Variants in DRAXIN observed in about 807,000 individuals in gnomAD.
The protein encoded by DRAXIN is dorsal repulsive axon guidance protein.
In DRAXIN, 27 loss-of-function variants were observed where a neutral mutation model predicts 33.9. The ratio of observed to expected loss-of-function variants is 0.80; its 90% CI spans 0.59 to 1.10. The LOEUF is 1.10. Among genes scored for constraint, DRAXIN ranks in the 50% least tolerant of loss-of-function variants. DRAXIN has a pLI of 0.00. For synonymous variants in DRAXIN, 178 were observed against 194.0 expected, an observed-to-expected ratio of 0.92 and a Z score of 0.69; for missense variants, 371 against 460.8, an observed-to-expected ratio of 0.81 and a Z score of 1.78.
chr1:11,698,830 G>A (rs1641230158), intron 1 of DRAXIN, among the ~76,000 whole-genome samples: 2 of 152,194 alleles, frequency 1.3e-5, no homozygotes, highest in Non-Finnish European at 2.9e-5. Flanking sequence ...ACTCCAGCCT[G>A]TAGGGCAGAG....
Position 11,705,958 on chromosome 1 carries a change from G to A in DRAXIN, c.-10-291G>A, listed in dbSNP as rs1476384025. Among the ~76,000 whole-genome samples the A allele has an allele frequency of 1.3e-5, 2 of 152,088 alleles. No homozygotes were observed. Among genetic ancestry groups the A allele is most frequent in the Non-Finnish European group, 2.9e-5 (2 of 68,016 alleles). ...GAATGCTGCTGAAATGATTTAAGCC[G>A]GGGGTTCTCAGCCTCGGTACTGTTG... On this transcript the variant is annotated intron_variant, in intron 1 of 6. Transcript: ENST00000294485. The surrounding 1 kb of genome is among the most constrained non-coding windows in gnomAD (Gnocchi z 4.8).
rs200680196 is a variant in DRAXIN at position 11,719,655 on chromosome 1, G to A, written c.1009G>A (p.Glu337Lys). Residue 337 changes from glutamate (E) to lysine (K), a missense_variant, in exon 7 of 7, where the codon GAG (glutamate) becomes AAG (lysine). Physicochemically the swap from Glu to Lys is moderately conservative, Grantham distance 56. Coordinates refer to ENST00000294485, the MANE Select transcript of DRAXIN (RefSeq NM_198545.4). The part of the protein sequence containing the change: ...TRRKGRCVEP[E>K]TANGDQGSFI... ...GAGGAAAGGGCGCTGTGTGGAGCCC[G>A]AGACGGCCAACGGCGACCAGGGATC... 11 of 1,614,012 alleles carry A rather than the reference G, an allele frequency of 6.8e-6. No homozygotes were observed. The East Asian group carries it at 1.8e-4, about 26-fold the overall frequency.
rs186017120 is a variant in DRAXIN at position 11,695,703 on chromosome 1, A to G, written c.-11+3850A>G. On this transcript the variant is annotated intron_variant, in intron 1 of 6. Transcript: ENST00000294485. ...ACCTAGAACAGTAGATGATACCCAA[A>G]CAAACACAGAGCTAAATGGTCTAGG... 5.6e-4 allele frequency among the ~76,000 whole-genome samples: 85 copies of G among 152,274 alleles called. 1 individual carries two copies. The highest frequency in any genetic ancestry group is 1.1e-3 in the Non-Finnish European group (76 of 68,032).
chr1:11,686,826 A>AC (rs1449012996), upstream of DRAXIN, among the ~76,000 whole-genome samples: 1 of 151,890 alleles, frequency 6.6e-6, no homozygotes, highest in African/African-American at 2.4e-5. Context: ...AAAAAAAAAA[A>AC]AAAAACTTCT....
chr1:11,706,561 T>C lies in DRAXIN; in HGVS notation c.303T>C (p.Ser101=). The change falls in exon 2 of 7, where the codon AGT becomes AGC. Residue 101 remains serine (S), a synonymous_variant. Coordinates refer to ENST00000294485, the MANE Select transcript of DRAXIN (RefSeq NM_198545.4). This position sits in a 1 kb window ranked among gnomAD's most constrained non-coding sequence, Gnocchi z 5.5. ...CTGAGGGGCTGCTGCCTGAGCAGAG[T>C]CCTGCAGGCCTGCTGCAGGACAAGG... ...PEAEGLLPEQ[S]PAGLLQDKDL... is the part of the protein sequence containing the mutation. 2 of 1,608,102 alleles carry C rather than the reference T, an allele frequency of 1.2e-6. No homozygotes were observed. Among genetic ancestry groups the C allele is most frequent in the Non-Finnish European group, 8.5e-7 (1 of 1,178,504 alleles).
chr1:11,702,427 A>C (rs1488265394), intron 1 of DRAXIN, among the ~76,000 whole-genome samples: 52 of 151,686 alleles, frequency 3.4e-4, no homozygotes, highest in Non-Finnish European at 1.9e-4. Flanking sequence ...GTTCACACAC[A>C]CATGCTAACA....
At chr1:11,707,184 G>C (rs940376489) in intron 2 of DRAXIN, among the ~76,000 whole-genome samples, 1 of 152,212 alleles carries the variant, frequency 6.6e-6, no homozygotes, top group African/African-American at 2.4e-5. Context: ...CTGGGTGACA[G>C]AGCGAGACTC....
Position 11,693,048 on chromosome 1 carries a change from T to C in DRAXIN, c.-11+1195T>C, listed in dbSNP as rs534078364. On this transcript the variant is annotated intron_variant, in intron 1 of 6. Transcript: ENST00000294485. ...GTCAAGGCTTAGAGACACTTCAGAG[T>C]AACCCCACCACCACAGCCTCTTCCC... Among the ~76,000 whole-genome samples the C allele has an allele frequency of 3.4e-4, 51 of 151,796 alleles. 3 individuals carry two copies. The South Asian group carries it at 0.01, about 31-fold the overall frequency.
At position 11,696,138 on chromosome 1, in the gene DRAXIN, C is replaced by A. The variant is rs1476144206; in HGVS notation, c.-11+4285C>A. Among the ~76,000 whole-genome samples the A allele has an allele frequency of 1.3e-5, 2 of 152,182 alleles. No individual in the cohort carries two copies. The highest frequency in any genetic ancestry group is 4.8e-5 in the African/African-American group (2 of 41,434). Reference sequence around the variant, plus strand: ...CAGAGGACGCAGCCACCTGCGCCTGCCCCTTTGCACACCCAGGCACAGATG... The same window carrying A: ...CAGAGGACGCAGCCACCTGCGCCTGACCCTTTGCACACCCAGGCACAGATG... On this transcript the variant is annotated intron_variant, in intron 1 of 6. Coordinates refer to ENST00000294485, the MANE Select transcript of DRAXIN (RefSeq NM_198545.4). This position sits in a 1 kb window ranked among gnomAD's most constrained non-coding sequence, Gnocchi z 4.7.
At chr1:11,718,141 T>TA (rs60384383) in intron 6 of DRAXIN, among the ~76,000 whole-genome samples, 21,122 of 116,088 alleles carry the variant, frequency 0.18, 1,924 homozygotes, top group Middle Eastern at 0.22. Flanking sequence ...CCATCTCTGC[T>TA]AAAAAAAAAA....
At chr1:11,711,702 T>C (rs1445734277) in intron 3 of DRAXIN, 149 bp from the exon 4 acceptor site, 1 of 669,654 alleles carries the variant, frequency 1.5e-6, no homozygotes, top group African/African-American at 1.8e-5. Flanking sequence ...GCAGCCATCT[T>C]TATGTCCTTG....
chr1:11,715,343 G>T (rs575223709), intron 6 of DRAXIN, 135 bp downstream of exon 6: 13 of 1,049,236 alleles, frequency 1.2e-5, no homozygotes, highest in African/African-American at 4.7e-5. Context: ...TGCGGCGGGG[G>T]TGTAGGTGGG....
intron 6 of DRAXIN, among the ~76,000 whole-genome samples, 169 bp from the exon 7 acceptor site, chr1:11,719,415 C>G (rs532297331): frequency 6.6e-6 from 1 of 152,218 alleles, no homozygotes; most frequent in Admixed American, 6.5e-5. Context: ...TTCCTCCCCT[C>G]TTCCGGGTTC....
At position 11,692,415 on chromosome 1, in the gene DRAXIN, A is replaced by C. The variant is rs1460423445; in HGVS notation, c.-11+562A>C. ...GCCGGGGTCGCTGAGTGCGCCCGGA[A>C]CCAGCACCGCCGGTGGCCCCGCGCC... On this transcript the variant is annotated intron_variant, in intron 1 of 6. Coordinates refer to ENST00000294485, the MANE Select transcript of DRAXIN (RefSeq NM_198545.4). The surrounding 1 kb of genome is among the most constrained non-coding windows in gnomAD (Gnocchi z 5.8). Among the ~76,000 whole-genome samples the C allele has an allele frequency of 6.6e-6, 1 of 152,000 alleles. No homozygotes were observed. Among genetic ancestry groups the C allele is most frequent in the African/African-American group, 2.4e-5 (1 of 41,394 alleles).
At chr1:11,707,451 T>C (rs760946542) in intron 2 of DRAXIN, among the ~76,000 whole-genome samples, 7 of 152,218 alleles carry the variant, frequency 4.6e-5, no homozygotes, top group Non-Finnish European at 8.8e-5. Context: ...GGGCAAGTTC[T>C]CTTTCTGTGC....
Position 11,711,901 on chromosome 1 carries a change from C to T in DRAXIN, c.693C>T (p.Ala231=). The T allele has an allele frequency of 6.2e-7, 1 of 1,614,014 alleles. No homozygotes were observed. The highest frequency in any genetic ancestry group is 2.2e-5 in the East Asian group (1 of 44,880). Residue 231 remains alanine (A), a synonymous_variant, in exon 4 of 7, where the codon GCC becomes GCT. Coordinates refer to ENST00000294485, the MANE Select transcript of DRAXIN (RefSeq NM_198545.4). ...DGEVMPTLDM[A]LFDWTDYEDL... ...AGGTGATGCCCACGCTGGACATGGC[C>T]TTGTTCGACTGGACCGATTATGAAG...
At position 11,711,923 on chromosome 1, in the gene DRAXIN, G is replaced by A. The variant is rs201196094; in HGVS notation, c.715G>A (p.Glu239Lys). The change falls in exon 4 of 7, where the codon GAA becomes AAA. Residue 239 changes from glutamate to lysine, a missense_variant. By Grantham distance (56) the Glu-to-Lys change is moderately conservative. Transcript: ENST00000294485. ...DMALFDWTDY[E>K]DLKPDGWPSA... ...GGCCTTGTTCGACTGGACCGATTAT[G>A]AAGACTTAAAACCTGATGGTTGGCC... 4 of 1,613,856 alleles carry A rather than the reference G, an allele frequency of 2.5e-6. No individual in the cohort carries two copies. The African/African-American group carries it at 5.3e-5, about 22-fold the overall frequency.
intron 2 of DRAXIN, among the ~76,000 whole-genome samples, chr1:11,709,052 T>C (rs1641433985): frequency 6.6e-6 from 1 of 152,242 alleles, no homozygotes; most frequent in Non-Finnish European, 1.5e-5. Context: ...ATCCTTGGAC[T>C]GTCTCCCCAG....
intron 3 of DRAXIN, among the ~76,000 whole-genome samples, chr1:11,711,320 G>A (rs899582473): frequency 3.9e-5 from 6 of 152,194 alleles, no homozygotes; most frequent in Admixed American, 1.3e-4. Context: ...CCTAGTGCTC[G>A]CACATGCCCG....
Sources: allele counts gnomAD v4.1 joint callset (sites outside exome capture counted in the v4.1 genomes callset), GRCh38; gene constraint gnomAD v4.1.1; non-coding constraint Gnocchi (gnomAD v3.1); transcripts MANE v1.5; gene names NCBI Gene and HGNC (gene_info 2026-07-23, HGNC 2026-07-21).